The following CTNNAL1 variants were observed in gnomAD, a reference collection of about 807,000 sequenced individuals.
CTNNAL1 encodes the protein catenin alpha like 1.
Under a neutral mutation model 93.6 loss-of-function variants are expected in CTNNAL1, and 69 were observed. That is an observed-to-expected ratio of 0.74 (90% CI 0.61 to 0.90). CTNNAL1 has a LOEUF of 0.90. CTNNAL1 is among the 40% of genes least tolerant of loss of function. The pLI is 0.00. For synonymous variants in CTNNAL1, 286 were observed against 305.4 expected, an observed-to-expected ratio of 0.94 and a Z score of 0.66; for missense variants, 836 against 862.0, an observed-to-expected ratio of 0.97 and a Z score of 0.38.
At chr9:108,998,908 C>G (rs4978379) in intron 2 of CTNNAL1, among the ~76,000 whole-genome samples, 159 bp downstream of exon 2, 11,405 of 152,248 alleles carry the variant, frequency 0.075, 520 homozygotes, top group East Asian at 0.15. Flanking sequence ...TGATCCAAGC[C>G]AAGTGCAGTA....
At chr9:109,005,343 G>A (rs1826989317) in intron 1 of CTNNAL1, among the ~76,000 whole-genome samples, 1 of 152,112 alleles carries the variant, frequency 6.6e-6, no homozygotes, top group African/African-American at 2.4e-5. Context: ...AGGAGTTTAA[G>A]TTCTTGCTAT....
At chr9:108,966,557 G>C (rs1052093258) in intron 10 of CTNNAL1, among the ~76,000 whole-genome samples, 2 of 152,134 alleles carry the variant, frequency 1.3e-5, no homozygotes, top group African/African-American at 2.4e-5. Flanking sequence ...TAGGGACTTT[G>C]AGGTCCTGAG....
chr9:108,965,612 G>A, intron 10 of CTNNAL1, 84 bp from the exon 11 acceptor site: 1 of 688,786 alleles, frequency 1.5e-6, no homozygotes, highest in Non-Finnish European at 2.2e-6. Context: ...AAGTAAGTCT[G>A]CTGTTCAATT....
chr9:108,952,140 A>G (rs1051580707), intron 14 of CTNNAL1, 69 bp downstream of exon 14: 1 of 1,348,020 alleles, frequency 7.4e-7, no homozygotes, highest in Non-Finnish European at 1.0e-6. Flanking sequence ...ATGATTTAAC[A>G]TGGAACTTTT....
intron 11 of CTNNAL1, among the ~76,000 whole-genome samples, chr9:108,958,063 C>CAAAAAAAAAAAAAAAAAA (rs11291554): frequency 2.3e-5 from 2 of 85,114 alleles, no homozygotes; most frequent in Non-Finnish European, 4.5e-5. Flanking sequence ...AAGACTGTCT[C>CAAAAAAAAAAAAAAAAAA]AAAAAAAAAA....
intron 1 of CTNNAL1, among the ~76,000 whole-genome samples, chr9:109,011,388 A>C (rs1827198833): frequency 6.6e-6 from 1 of 150,816 alleles, no homozygotes; most frequent in Admixed American, 6.6e-5. Context: ...AAAAAAAGGC[A>C]GGCATTCTTC....
chr9:108,948,098 C>CA, intron 15 of CTNNAL1, 88 bp downstream of exon 15: 1 of 1,408,428 alleles, frequency 7.1e-7, no homozygotes, highest in Non-Finnish European at 9.9e-7. Flanking sequence ...AGCATATACA[C>CA]ATGATATAAT....
In CTNNAL1 at chr9:108,944,022, G is replaced by A. The variant is rs374521418; in HGVS notation, c.1885-4C>T. 59 of 1,612,936 alleles carry A rather than the reference G, an allele frequency of 3.7e-5. No individual in the cohort carries two copies. Among genetic ancestry groups the A allele is most frequent in the Non-Finnish European group, 4.7e-5 (56 of 1,179,562 alleles). On this transcript the variant is annotated splice_region_variant and splice_polypyrimidine_tract_variant and intron_variant, in intron 15 of 18. Coordinates refer to ENST00000325551, the MANE Select transcript of CTNNAL1 (RefSeq NM_003798.4). ...TTAAACCCTCTGCAGCAAAAACCTG[G>A]TAGAAAGAGAAAACACCACTATTTT...
intron 10 of CTNNAL1, among the ~76,000 whole-genome samples, chr9:108,969,774 T>C (rs1370592511): frequency 6.6e-6 from 1 of 152,182 alleles, no homozygotes; most frequent in Non-Finnish European, 1.5e-5. Context: ...TGCCTCAGCC[T>C]CCTGAGTAGC....
Position 108,972,734 on chromosome 9 carries a change from A to C in CTNNAL1, c.1288T>G (p.Leu430Val). The C allele has an allele frequency of 6.2e-7, 1 of 1,613,860 alleles. No homozygotes were observed. Among genetic ancestry groups the C allele is most frequent in the Non-Finnish European group, 8.5e-7 (1 of 1,179,988 alleles). The change falls in exon 9 of 19, where the codon TTA (leucine) becomes GTA (valine). Residue 430 changes from leucine (L) to valine (V), a missense_variant. Leu to Val is a conservative substitution (Grantham distance 32). Coordinates refer to ENST00000325551, the MANE Select transcript of CTNNAL1 (RefSeq NM_003798.4). ...ALKLTGVEGN[L>V]EALAEYACKL... ...CAGGCATATTCAGCCAAAGCTTCTA[A>C]ATTTCCTTCTACTCCAGTAAGTTTT...
At chr9:108,965,327 A>G in intron 11 of CTNNAL1, 51 bp downstream of exon 11, 1 of 1,309,468 alleles carries the variant, frequency 7.6e-7, no homozygotes, top group Non-Finnish European at 9.9e-7. Context: ...AAAAACTAAC[A>G]AGAGTTACAT....
intron 9 of CTNNAL1, 86 bp downstream of exon 9, chr9:108,972,589 C>A (rs1290620940): frequency 5.0e-6 from 6 of 1,191,306 alleles, no homozygotes; most frequent in Admixed American, 2.1e-5. Flanking sequence ...ATAAATTAAC[C>A]CAAAACTGTA....
chr9:108,992,879 T>C, intron 2 of CTNNAL1, 60 bp from the exon 3 acceptor site: 1 of 1,506,538 alleles, frequency 6.6e-7, no homozygotes, highest in South Asian at 1.3e-5. Context: ...TCTAGACTTC[T>C]CTCTAACCTT....
At chr9:108,953,925 T>C (rs542970515) in intron 12 of CTNNAL1, among the ~76,000 whole-genome samples, 16 of 152,304 alleles carry the variant, frequency 1.1e-4, no homozygotes, top group African/African-American at 3.8e-4. Flanking sequence ...ATCTCCATCC[T>C]TGGTCTAGTT....
Position 108,992,705 on chromosome 9 carries a change from A to G in CTNNAL1, c.446T>C (p.Leu149Pro). 2 of 1,614,074 alleles carry G rather than the reference A, an allele frequency of 1.2e-6. No individual in the cohort carries two copies. Among genetic ancestry groups the G allele is most frequent in the Non-Finnish European group, 1.7e-6 (2 of 1,179,976 alleles). ...TGVIKAARLL[L>P]SSVTKVLLLA... ...CAACAACACTTTTGTCACTGAAGAA[A>G]GAAGTAATCTTGCAGCCTTTATCAC... The change falls in exon 3 of 19, where the codon CTT becomes CCT. Residue 149 changes from leucine (L) to proline (P), a missense_variant. Physicochemically the swap from Leu to Pro is moderately conservative, Grantham distance 98. Coordinates refer to ENST00000325551, the MANE Select transcript of CTNNAL1 (RefSeq NM_003798.4).
Position 108,992,786 on chromosome 9 carries a change from T to C in CTNNAL1, c.365A>G (p.Asn122Ser), listed in dbSNP as rs370406566. 195 of 1,613,472 alleles carry C rather than the reference T, an allele frequency of 1.2e-4. No individual in the cohort carries two copies. The highest frequency in any genetic ancestry group is 1.6e-4 in the Non-Finnish European group (187 of 1,179,854). The change falls in exon 3 of 19, where the codon AAC becomes AGC. Residue 122 changes from asparagine to serine, a missense_variant. Asn to Ser is a conservative substitution (Grantham distance 46). Transcript: ENST00000325551. The stretch of plus-strand genomic sequence containing the variant: ...CCCATCAGATTCCAGATGGTTCAAG[T>C]TGGTTATGTCTGTAAGTGCTGCAAT... ...ETIAALTDIT[N>S]LNHLESDGQI...
chr9:108,990,352 T>C (rs1831752636), intron 4 of CTNNAL1, among the ~76,000 whole-genome samples: 1 of 152,164 alleles, frequency 6.6e-6, no homozygotes, highest in African/African-American at 2.4e-5. Flanking sequence ...AACAAATATC[T>C]AACAAGATAC....
chr9:108,961,552 T>C (rs1034247293), intron 11 of CTNNAL1, among the ~76,000 whole-genome samples: 1 of 152,216 alleles, frequency 6.6e-6, no homozygotes, highest in African/African-American at 2.4e-5. Context: ...GGAATTTCTG[T>C]TCAGTCCTTA....
intron 8 of CTNNAL1, 28 bp downstream of exon 8, chr9:108,976,934 A>G: frequency 1.1e-6 from 1 of 946,074 alleles, no homozygotes; most frequent in East Asian, 2.9e-5. Flanking sequence ...AAAGAATTAG[A>G]AGAGGCTAAA....
Sources: gnomAD v4.1 joint callset for allele counts (sites outside exome capture counted in the v4.1 genomes callset) on GRCh38, gnomAD v4.1.1 for gene constraint, MANE v1.5 for transcripts, NCBI Gene and HGNC (gene_info 2026-07-23, HGNC 2026-07-21) for gene names.